Variants in FAM13C observed in about 807,000 individuals in gnomAD.
FAM13C encodes protein FAM13C.
In FAM13C, 37 loss-of-function variants were observed where a neutral mutation model predicts 73.2. The ratio of observed to expected loss-of-function variants is 0.51; its 90% CI spans 0.39 to 0.67. The LOEUF is 0.67. FAM13C is among the 30% of genes least tolerant of loss of function. The probability of loss-of-function intolerance (pLI) is 0.00; values close to 1 mark genes in which losing one functional copy is unlikely to be tolerated. For synonymous variants in FAM13C, 246 were observed against 260.9 expected (o/e 0.94, Z 0.55); for missense variants, 589 against 715.6 (o/e 0.82, Z 2.02).
intron 1 of FAM13C, among the ~76,000 whole-genome samples, chr10:59,356,355 GT>G (rs1160116442): frequency 2.0e-5 from 3 of 152,078 alleles, no homozygotes; most frequent in African/African-American, 7.2e-5. Flanking sequence ...CCTCCATTTA[GT>G]TTACTCTATT....
chr10:59,361,743 C>G (rs894169574), intron 1 of FAM13C, among the ~76,000 whole-genome samples: 1 of 152,032 alleles, frequency 6.6e-6, no homozygotes, highest in African/African-American at 2.4e-5. Flanking sequence ...ATATAAATAT[C>G]TTTAAAAAAA....
chr10:59,307,970 CT>C (rs1392684619), intron 4 of FAM13C, among the ~76,000 whole-genome samples: 1 of 152,122 alleles, frequency 6.6e-6, no homozygotes, highest in Non-Finnish European at 1.5e-5. Flanking sequence ...CTCAAACTCC[CT>C]TCTTTTTAAG....
chr10:59,282,905 T>C (rs1254174710), intron 6 of FAM13C: 2 of 160,354 alleles, frequency 1.2e-5, no homozygotes, highest in Non-Finnish European at 2.7e-5. Flanking sequence ...TCACCCCCAC[T>C]TTCCCTGCAT....
At chr10:59,308,992 C>T (rs190274704) in intron 4 of FAM13C, among the ~76,000 whole-genome samples, 7 of 152,244 alleles carry the variant, frequency 4.6e-5, no homozygotes, top group East Asian at 1.9e-4. Context: ...TTTGTGAAAA[C>T]GCCACATTTT....
intron 10 of FAM13C, among the ~76,000 whole-genome samples, chr10:59,255,882 A>G (rs1841903793): frequency 1.3e-5 from 2 of 152,072 alleles, no homozygotes; most frequent in Admixed American, 6.6e-5. Context: ...ATTCTTGAGG[A>G]GAGAGATCAT....
chr10:59,303,683 G>A (rs1474209441), intron 4 of FAM13C, among the ~76,000 whole-genome samples: 1 of 152,174 alleles, frequency 6.6e-6, no homozygotes, highest in African/African-American at 2.4e-5. Flanking sequence ...GGGAGGTGGG[G>A]CCTAGTGGGA....
At chr10:59,294,740 C>T (rs898589765) in intron 5 of FAM13C, among the ~76,000 whole-genome samples, 3 of 152,156 alleles carry the variant, frequency 2.0e-5, no homozygotes, top group Non-Finnish European at 4.4e-5. Context: ...ACGGGATGTC[C>T]TCATTGACAC....
intron 7 of FAM13C, 23 bp downstream of exon 7, chr10:59,269,876 C>A (rs1374624606): frequency 3.7e-6 from 6 of 1,610,618 alleles, no homozygotes; most frequent in Admixed American, 1.7e-5. Flanking sequence ...GAAATGAAGA[C>A]AATAACAAAA....
rs1164735598 is a variant in FAM13C at position 59,257,404 on chromosome 10, C to T, written c.1237-2961G>A. Reference sequence around the variant, plus strand: ...AAAAGCTGCCATAGCTTCAGCACTTCTACCACCTTGTTTTCCTTTCCCGCA... The same window carrying T: ...AAAAGCTGCCATAGCTTCAGCACTTTTACCACCTTGTTTTCCTTTCCCGCA... On this transcript the variant is annotated intron_variant, in intron 10 of 13. Coordinates refer to ENST00000618804, the MANE Select transcript of FAM13C (RefSeq NM_198215.4). Among the ~76,000 whole-genome samples the T allele has an allele frequency of 2.0e-5, 3 of 152,250 alleles. No homozygotes were observed. In the East Asian group the frequency reaches 5.8e-4, roughly 29 times the overall value.
intron 8 of FAM13C, among the ~76,000 whole-genome samples, chr10:59,265,936 C>T (rs980413453): frequency 6.6e-6 from 1 of 152,148 alleles, no homozygotes; most frequent in African/African-American, 2.4e-5. Context: ...ACGTCATACA[C>T]ACGGAAATTA....
intron 12 of FAM13C, among the ~76,000 whole-genome samples, chr10:59,252,575 G>A (rs1035490902): frequency 7.2e-5 from 11 of 152,056 alleles, no homozygotes; most frequent in African/African-American, 2.7e-4. Flanking sequence ...GCTTATATCT[G>A]AAGGGCTATT....
chr10:59,249,537 T>A lies in FAM13C; in HGVS notation c.1635-1800A>T, dbSNP rs181805517. Among the ~76,000 whole-genome samples the A allele has an allele frequency of 1.6e-4, 24 of 152,228 alleles. No homozygotes were observed. The East Asian group carries it at 4.6e-3, about 29-fold the overall frequency. ...TAGCACACTTCCAGGCTAATAATTA[T>A]TAATAATAATGTAATATCTGCATGA... On this transcript the variant is annotated intron_variant, in intron 13 of 13. Coordinates refer to ENST00000618804, the MANE Select transcript of FAM13C (RefSeq NM_198215.4).
At chr10:59,284,373 C>G (rs1166067442) in intron 5 of FAM13C, among the ~76,000 whole-genome samples, 3 of 151,990 alleles carry the variant, frequency 2.0e-5, no homozygotes, top group Non-Finnish European at 4.4e-5. Flanking sequence ...GAAGGTTCTG[C>G]AGGTCTCAGC....
Position 59,352,379 on chromosome 10 carries a change from G to T in FAM13C, c.215C>A (p.Ala72Glu). The T allele has an allele frequency of 6.2e-7, 1 of 1,614,072 alleles. No homozygotes were observed. ...CAATACGCTGTCCACCAGCACGGTC[G>T]CCTCTACATTCTGCTGCTGCGGCTC... ...SWEPQQQNVE[A>E]TVLVDSVLRP... The change falls in exon 3 of 14, where the codon GCG becomes GAG. Residue 72 changes from alanine (A) to glutamate (E), a missense_variant. By Grantham distance (107) the Ala-to-Glu change is moderately radical. Transcript: ENST00000618804.
At chr10:59,352,169 C>A in intron 3 of FAM13C, 101 bp downstream of exon 3, 1 of 1,339,162 alleles carries the variant, frequency 7.5e-7, no homozygotes, top group Non-Finnish European at 1.0e-6. Flanking sequence ...CGTGCCAATC[C>A]CCTCCCGCAA....
chr10:59,262,087 T>C (rs958136081), intron 10 of FAM13C, among the ~76,000 whole-genome samples: 1 of 152,202 alleles, frequency 6.6e-6, no homozygotes, highest in Non-Finnish European at 1.5e-5. Flanking sequence ...GGGGCTGTAA[T>C]TGGAGTCCTT....
At chr10:59,329,891 A>G (rs1336926601) in intron 3 of FAM13C, among the ~76,000 whole-genome samples, 1 of 152,164 alleles carries the variant, frequency 6.6e-6, no homozygotes, top group Non-Finnish European at 1.5e-5. Context: ...TTCCCCAGTG[A>G]GAAAAATGAA....
At chr10:59,338,778 C>T (rs1161327708) in intron 3 of FAM13C, among the ~76,000 whole-genome samples, 1 of 152,204 alleles carries the variant, frequency 6.6e-6, no homozygotes, top group Admixed American at 6.5e-5. Flanking sequence ...TAGTGCCTCA[C>T]ATCCTCCTGG....
intron 5 of FAM13C, among the ~76,000 whole-genome samples, chr10:59,297,766 C>G (rs181126300): frequency 6.6e-6 from 1 of 152,258 alleles, no homozygotes; most frequent in Non-Finnish European, 1.5e-5. Context: ...TGAACTTATT[C>G]TGTCCTCCTA....
Sources: gnomAD v4.1 joint callset for allele counts (sites outside exome capture counted in the v4.1 genomes callset) on GRCh38, gnomAD v4.1.1 for gene constraint, MANE v1.5 for transcripts, NCBI Gene and HGNC (gene_info 2026-07-23, HGNC 2026-07-21) for gene names.